The following SULF1 variants were observed in gnomAD, a reference collection of about 807,000 sequenced individuals.
SULF1 encodes the protein extracellular sulfatase Sulf-1.
SULF1 carries 46 observed loss-of-function variants against 110.5 expected under a neutral mutation model. The ratio of observed to expected loss-of-function variants is 0.42; its 90% CI spans 0.33 to 0.53. SULF1 has a LOEUF of 0.53. SULF1 is among the 20% of genes least tolerant of loss of function. SULF1 has a pLI of 0.12. For missense variants in SULF1, 941 were observed against 1,094.2 expected, an observed-to-expected ratio of 0.86 and a Z score of 1.98; for synonymous variants, 371 against 387.1, an observed-to-expected ratio of 0.96 and a Z score of 0.49.
chr8:69,627,344 AC>A, intron 16 of SULF1, 38 bp downstream of exon 16: 1 of 1,542,820 alleles, frequency 6.5e-7, no homozygotes, highest in Non-Finnish European at 9.0e-7. Context: ...TATATTCCAA[AC>A]TCAAACTCGG....
intron 1 of SULF1, among the ~76,000 whole-genome samples, chr8:69,493,462 C>CA (rs201707393): frequency 8.8e-6 from 1 of 113,078 alleles, no homozygotes; most frequent in African/African-American, 2.9e-5. Flanking sequence ...CACACACACA[C>CA]ACACACACAC....
At chr8:69,469,297 C>T (rs913001874) in intron 1 of SULF1, 1 of 152,200 alleles carries the variant, frequency 6.6e-6, no homozygotes, top group Non-Finnish European at 1.5e-5. Context: ...CAGCATTCTA[C>T]CAGCTGTGAA....
chr8:69,631,852 G>C (rs968803105), intron 19 of SULF1, among the ~76,000 whole-genome samples: 2 of 152,184 alleles, frequency 1.3e-5, no homozygotes, highest in African/African-American at 4.8e-5. Flanking sequence ...ACTAGGGTCC[G>C]CCCATTTGAT....
chr8:69,502,382 C>A (rs776742128), intron 3 of SULF1, among the ~76,000 whole-genome samples: 2 of 152,188 alleles, frequency 1.3e-5, no homozygotes, highest in Non-Finnish European at 2.9e-5. Flanking sequence ...TTATTCACAG[C>A]TCGTCTTCAC....
At chr8:69,538,588 G>A (rs922721760) in intron 3 of SULF1, among the ~76,000 whole-genome samples, 1 of 152,120 alleles carries the variant, frequency 6.6e-6, no homozygotes, top group African/African-American at 2.4e-5. Flanking sequence ...ACAAAGTGCA[G>A]GGCAAAAATT....
At chr8:69,518,770 A>C (rs193149128) in intron 3 of SULF1, among the ~76,000 whole-genome samples, 1 of 152,304 alleles carries the variant, frequency 6.6e-6, no homozygotes, top group Non-Finnish European at 1.5e-5. Flanking sequence ...GTGAAGTGTA[A>C]GTTATTCAAG....
At chr8:69,572,865 TC>T (rs1805331451) in intron 5 of SULF1, among the ~76,000 whole-genome samples, 1 of 152,156 alleles carries the variant, frequency 6.6e-6, no homozygotes, top group Non-Finnish European at 1.5e-5. Flanking sequence ...TCTCGCTTTG[TC>T]CCCCAGGCTG....
intron 18 of SULF1, among the ~76,000 whole-genome samples, chr8:69,629,090 G>A (rs1810323967): frequency 6.6e-6 from 1 of 152,166 alleles, no homozygotes; most frequent in African/African-American, 2.4e-5. Context: ...CTTTAGTGCG[G>A]TGGTGCAATC....
chr8:69,581,808 CGAGTCTCAA>C (rs1273396062), intron 6 of SULF1, among the ~76,000 whole-genome samples: 1 of 152,048 alleles, frequency 6.6e-6, no homozygotes, highest in African/African-American at 2.4e-5. Flanking sequence ...TGATTACAAA[CGAGTCTCAA>C]TGTCATGAGG....
At chr8:69,473,382 C>T (rs1372600803) in intron 1 of SULF1, 2 of 152,092 alleles carry the variant, frequency 1.3e-5, no homozygotes, top group Non-Finnish European at 2.9e-5. Context: ...TTGTGTTTCT[C>T]AATCAAAAGT....
At chr8:69,483,971 A>G (rs1294028271) in intron 1 of SULF1, among the ~76,000 whole-genome samples, 1 of 152,210 alleles carries the variant, frequency 6.6e-6, no homozygotes, top group Non-Finnish European at 1.5e-5. Flanking sequence ...CAACATCTCT[A>G]TGACATAGAA....
At chr8:69,519,025 G>T (rs1812115352) in intron 3 of SULF1, among the ~76,000 whole-genome samples, 1 of 152,164 alleles carries the variant, frequency 6.6e-6, no homozygotes, top group Non-Finnish European at 1.5e-5. Flanking sequence ...CTCTAGTGGA[G>T]CATACATTAC....
intron 4 of SULF1, 61 bp from the exon 5 acceptor site, chr8:69,563,855 T>A: frequency 1.0e-6 from 1 of 985,762 alleles, no homozygotes; most frequent in Admixed American, 2.2e-5. Flanking sequence ...TCTCTGCAAC[T>A]GTGCTTGGAG....
intron 8 of SULF1, among the ~76,000 whole-genome samples, chr8:69,596,858 G>A (rs1031175152): frequency 6.6e-6 from 1 of 152,136 alleles, no homozygotes; most frequent in Non-Finnish European, 1.5e-5. Flanking sequence ...GGTATGATAT[G>A]GTCCCAGAAT....
At chr8:69,499,665 C>T (rs1305098787) in intron 2 of SULF1, among the ~76,000 whole-genome samples, 1 of 152,206 alleles carries the variant, frequency 6.6e-6, no homozygotes, top group South Asian at 2.1e-4. Flanking sequence ...CACGTGCATA[C>T]ACATATCAGC....
At chr8:69,578,311 A>C (rs1563548752) in intron 6 of SULF1, among the ~76,000 whole-genome samples, 2 of 151,846 alleles carry the variant, frequency 1.3e-5, no homozygotes, top group South Asian at 4.1e-4. Flanking sequence ...AAGTGACTGA[A>C]GTGACAGATC....
chr8:69,531,951 T>G (rs1485281759), intron 3 of SULF1, among the ~76,000 whole-genome samples: 1 of 152,130 alleles, frequency 6.6e-6, no homozygotes, highest in African/African-American at 2.4e-5. Flanking sequence ...ATTCACAACC[T>G]TAACAGCAGC....
At chr8:69,544,656 T>G (rs1380530170) in intron 3 of SULF1, among the ~76,000 whole-genome samples, 1 of 152,180 alleles carries the variant, frequency 6.6e-6, no homozygotes, top group Non-Finnish European at 1.5e-5. Flanking sequence ...GAATTCCTAT[T>G]TTCAACTGAA....
chr8:69,592,798 A>T (rs1807006780), intron 8 of SULF1: 1 of 391,292 alleles, frequency 2.6e-6, no homozygotes, highest in Non-Finnish European at 3.5e-6. Flanking sequence ...GCTCAACTTA[A>T]GGTTTAGGGG....
Sources: gnomAD v4.1 joint callset for allele counts (sites outside exome capture counted in the v4.1 genomes callset) on GRCh38, gnomAD v4.1.1 for gene constraint, MANE v1.5 for transcripts, NCBI Gene and HGNC (gene_info 2026-07-23, HGNC 2026-07-21) for gene names.